Variants in PROK2 observed in about 807,000 individuals in gnomAD.
PROK2 encodes the protein prokineticin 2.
A neutral mutation model predicts 14.2 loss-of-function variants in PROK2; 8 were observed. The observed-to-expected ratio is 0.56, with a 90% CI of 0.33 to 1.02. The LOEUF (loss-of-function observed/expected upper bound fraction) is 1.02. Among genes scored for constraint, PROK2 ranks in the 50% least tolerant of loss-of-function variants. The pLI is 0.03. For synonymous variants in PROK2, 59 were observed against 60.7 expected (o/e 0.97, Z 0.13); for missense variants, 154 against 160.4 (o/e 0.96, Z 0.22).
rs559357825 is a variant in PROK2 at position 71,784,877 on chromosome 3, C to T, written c.96+80G>A. 4 of 1,154,594 alleles carry T rather than the reference C, an allele frequency of 3.5e-6. No individual in the cohort carries two copies. The Admixed American group carries it at 1.3e-4, about 37-fold the overall frequency. 71.5% of individuals were successfully genotyped at this position (1,154,594 alleles called of 1,614,324 possible). A position where few individuals can be genotyped will look rare whatever the true frequency, so the allele number is the denominator to read the frequency against. The stretch of plus-strand genomic sequence containing the variant: ...ACCCTCCCTTTGCCTCTAGCCTGCC[C>T]TTCAGGGTCCCCGTCCCAAGCCCCC... On this transcript the variant is annotated intron_variant, in intron 1 of 3. Transcript: ENST00000295619.
In PROK2 at chr3:71,781,545, G is replaced by A; in HGVS notation, c.144C>T (p.Val48=). 6.2e-7 allele frequency: 1 copy of A among 1,612,592 alleles called. No homozygotes were observed. Among genetic ancestry groups the A allele is most frequent in the Non-Finnish European group, 8.5e-7 (1 of 1,178,674 alleles). ...SQCGGGMCCA[V]SIWVKSIRIC... The stretch of plus-strand genomic sequence containing the variant: ...TCCTTATGCTCTTGACCCAGATACT[G>A]ACAGCACAGCACATGCCTCCACCAC... The change falls in exon 2 of 4, where the codon GTC becomes GTT. Residue 48 remains valine, a synonymous_variant. Transcript: ENST00000295619.
chr3:71,784,933 G>C (rs2050200390), intron 1 of PROK2, 24 bp downstream of exon 1: 18 of 1,238,236 alleles, frequency 1.5e-5, no homozygotes, highest in Non-Finnish European at 1.8e-5. Context: ...ATCAGGGGCA[G>C]ACAGGTGCGC....
intron 3 of PROK2, 125 bp from the exon 4 acceptor site, chr3:71,772,953 G>A (rs1334832815): frequency 2.6e-6 from 2 of 758,840 alleles, no homozygotes; most frequent in Non-Finnish European, 4.6e-6. Flanking sequence ...TACCCATTAG[G>A]CAATATGCTC....
At chr3:71,784,856 T>TC in intron 1 of PROK2, 101 bp downstream of exon 1, 2 of 1,039,480 alleles carry the variant, frequency 1.9e-6, no homozygotes, top group Non-Finnish European at 2.5e-6. Flanking sequence ...AGGGCGACCC[T>TC]CCCTTTGCCT....
chr3:71,784,078 C>T (rs2050191304), intron 1 of PROK2, among the ~76,000 whole-genome samples: 2 of 152,094 alleles, frequency 1.3e-5, no homozygotes, highest in African/African-American at 4.8e-5. Flanking sequence ...TGAAATAATT[C>T]CTCACTTAAA....
rs1578407148 is a variant in PROK2 at position 71,772,396 on chromosome 3, C to T, written c.*328G>A. The T allele has an allele frequency of 4.0e-6, 1 of 250,942 alleles. No individual in the cohort carries two copies. The highest frequency in any genetic ancestry group is 7.6e-6 in the Non-Finnish European group (1 of 131,094). 15.5% of individuals were successfully genotyped at this position (250,942 alleles called of 1,614,324 possible). A position where few individuals can be genotyped will look rare whatever the true frequency, so the allele number is the denominator to read the frequency against. On this transcript the variant is annotated 3_prime_UTR_variant, in exon 4 of 4. Coordinates refer to ENST00000295619, the MANE Select transcript of PROK2 (RefSeq NM_001126128.2). ...GAAAAAAAAAAAAAAGTTTTTCTAA[C>T]AAAATATCAAATTCTTATTTTCCTC... is the stretch of plus-strand genomic sequence containing the variant.
intron 1 of PROK2, among the ~76,000 whole-genome samples, chr3:71,784,519 T>C (rs965806164): frequency 6.6e-5 from 10 of 152,152 alleles, no homozygotes; most frequent in Middle Eastern, 3.2e-3. Context: ...GGATTAAGAC[T>C]CTGGGCACTT....
At chr3:71,781,320 G>T in intron 2 of PROK2, 147 bp downstream of exon 2, 1 of 940,532 alleles carries the variant, frequency 1.1e-6, no homozygotes, top group Non-Finnish European at 1.7e-6. Context: ...GGGGAGAGGA[G>T]AGGGGGTAGT....
Position 71,781,506 on chromosome 3 carries a change from C to A in PROK2, c.183G>T (p.Met61Ile). The A allele has an allele frequency of 6.2e-7, 1 of 1,613,952 alleles. No individual in the cohort carries two copies. Among genetic ancestry groups the A allele is most frequent in the Non-Finnish European group, 8.5e-7 (1 of 1,179,856 alleles). The change falls in exon 2 of 4, where the codon ATG becomes ATT. Residue 61 changes from methionine to isoleucine, a missense_variant. Physicochemically the swap from Met to Ile is conservative, Grantham distance 10. Coordinates refer to ENST00000295619, the MANE Select transcript of PROK2 (RefSeq NM_001126128.2). ...GATGGCAGCTGTCTCCCAGTTTGCC[C>A]ATAGGTGTGCAAATCCTTATGCTCT... Reference protein sequence around the residue: ...WVKSIRICTPMGKLGDSCHPL... With the variant: ...WVKSIRICTPIGKLGDSCHPL...
chr3:71,777,194 T>G (rs1466385857), intron 2 of PROK2, among the ~76,000 whole-genome samples: 1 of 152,190 alleles, frequency 6.6e-6, no homozygotes, highest in Non-Finnish European at 1.5e-5. Flanking sequence ...CTAAAGCCTA[T>G]TTCTGTCTTG....
Position 71,777,959 on chromosome 3 carries a change from G to T in PROK2, c.223-3452C>A, listed in dbSNP as rs1341626994. Among the ~76,000 whole-genome samples, 4 of 152,054 alleles carry T rather than the reference G, an allele frequency of 2.6e-5. No homozygotes were observed. In the East Asian group the frequency reaches 7.7e-4, roughly 29 times the overall value. On this transcript the variant is annotated intron_variant, in intron 2 of 3. Transcript: ENST00000295619. ...GCCTGTAATCCCAACACTTTGGGAG[G>T]CCGAGGCAGGCAGATCACGAGGTCA... is the stretch of plus-strand genomic sequence containing the variant.
intron 2 of PROK2, among the ~76,000 whole-genome samples, chr3:71,781,001 ATATT>A (rs1201621768): frequency 2.6e-5 from 4 of 152,210 alleles, no homozygotes; most frequent in Middle Eastern, 3.2e-3. Context: ...AAAATATAGA[ATATT>A]TAAACTAACA....
intron 2 of PROK2, among the ~76,000 whole-genome samples, chr3:71,780,762 A>G (rs979127395): frequency 9.2e-5 from 14 of 152,166 alleles, no homozygotes; most frequent in Non-Finnish European, 1.5e-5. Flanking sequence ...CTCATGTAAT[A>G]TAAACCTTCC....
chr3:71,781,769 T>C (rs1170425564), intron 1 of PROK2, among the ~76,000 whole-genome samples, 177 bp from the exon 2 acceptor site: 2 of 152,228 alleles, frequency 1.3e-5, no homozygotes, highest in Non-Finnish European at 2.9e-5. Context: ...TAAAATCTGA[T>C]CAGAATAGCT....
intron 2 of PROK2, among the ~76,000 whole-genome samples, chr3:71,776,356 C>T (rs1482694871): frequency 1.2e-4 from 16 of 134,134 alleles, no homozygotes; most frequent in African/African-American, 2.6e-4. Context: ...TTTTTCTTTT[C>T]GCTTTTCATT....
chr3:71,782,404 C>T (rs1348716499), intron 1 of PROK2, among the ~76,000 whole-genome samples: 1 of 152,146 alleles, frequency 6.6e-6, no homozygotes, highest in Non-Finnish European at 1.5e-5. Flanking sequence ...AAGTCACCTG[C>T]TTTCAATATA....
At chr3:71,774,335 T>C (rs2050102177) in intron 3 of PROK2, 110 bp downstream of exon 3, 2 of 1,522,398 alleles carry the variant, frequency 1.3e-6, no homozygotes, top group Admixed American at 2.3e-5. Context: ...TCTAATCTTA[T>C]GTTGGGGCTG....
intron 2 of PROK2, among the ~76,000 whole-genome samples, chr3:71,776,453 CTG>C (rs1303167995): frequency 7.7e-6 from 1 of 129,418 alleles, no homozygotes; most frequent in Non-Finnish European, 1.6e-5. Flanking sequence ...TCTCAGCTCA[CTG>C]TAGCCTCAGC....
intron 2 of PROK2, among the ~76,000 whole-genome samples, chr3:71,779,422 C>T (rs1226445862): frequency 6.6e-6 from 1 of 152,160 alleles, no homozygotes; most frequent in Non-Finnish European, 1.5e-5. Flanking sequence ...GTAAGAAGTA[C>T]ATATACAACA....
Sources: allele counts gnomAD v4.1 joint callset (sites outside exome capture counted in the v4.1 genomes callset), GRCh38; gene constraint gnomAD v4.1.1; transcripts MANE v1.5; gene names NCBI Gene and HGNC (gene_info 2026-07-23, HGNC 2026-07-21).